BRWD1: variants seen among roughly 807,000 people sequenced by gnomAD.
BRWD1 encodes the protein bromodomain and WD repeat-containing protein 1.
BRWD1 carries 82 observed loss-of-function variants against 251.2 expected under a neutral mutation model. That is an observed-to-expected ratio of 0.33 (90% CI 0.27 to 0.39). The LOEUF (loss-of-function observed/expected upper bound fraction) is 0.39. Ranked by LOEUF, BRWD1 falls within the 10% of genes least tolerant of loss-of-function variation. The probability of loss-of-function intolerance (pLI) is 1.00; values close to 1 mark genes in which losing one functional copy is unlikely to be tolerated. For missense variants in BRWD1, 2,233 were observed against 2,711.6 expected, an observed-to-expected ratio of 0.82 and a Z score of 3.92; for synonymous variants, 918 against 902.8, an observed-to-expected ratio of 1.02 and a Z score of -0.30.
chr21:39,315,450 T>C (rs1189258474), upstream of BRWD1, among the ~76,000 whole-genome samples: 1 of 151,788 alleles, frequency 6.6e-6, no homozygotes, highest in Non-Finnish European at 1.5e-5. Flanking sequence ...CTGGCCAACA[T>C]AGTGAAACCC....
chr21:39,199,689 A>T (rs766930010), intron 39 of BRWD1, 27 bp from the exon 40 acceptor site: 45 of 1,526,984 alleles, frequency 2.9e-5, no homozygotes, highest in Non-Finnish European at 3.7e-5. Context: ...CAATAAGATT[A>T]AAAAGATTTT....
Position 39,189,281 on chromosome 21 carries a change from A to C in BRWD1, c.*6978T>G. 6 of 984,638 alleles carry C rather than the reference A, an allele frequency of 6.1e-6. No individual in the cohort carries two copies. The highest frequency in any genetic ancestry group is 7.2e-6 in the Non-Finnish European group (6 of 829,220). 61.0% of individuals were successfully genotyped at this position (984,638 alleles called of 1,614,324 possible). The stretch of plus-strand genomic sequence containing the variant: ...ACAGATAACTGGTTCATTCCCAACA[A>C]CCTATTCATCCAGACAAATAGATAA... On this transcript the variant is annotated 3_prime_UTR_variant, in exon 41 of 41. Transcript: ENST00000342449.
Position 39,213,544 on chromosome 21 carries a change from G to A in BRWD1, c.3795C>T (p.His1265=). 3 of 1,606,832 alleles carry A rather than the reference G, an allele frequency of 1.9e-6. No homozygotes were observed. The East Asian group carries it at 6.7e-5, about 36-fold the overall frequency. The change falls in exon 33 of 41, where the codon CAC becomes CAT. Residue 1265 remains histidine (H), a synonymous_variant. Coordinates refer to ENST00000342449, the MANE Select transcript of BRWD1 (RefSeq NM_033656.4). The part of the protein sequence containing the change: ...DQLLKFIKNQ[H]CTNISELSNT... ...TAGAAAGTTCTGAGATATTTGTACAGTGTTGATTCCTAAAAAACAAATTTT... is the reference window on the plus strand; with the variant it reads ...TAGAAAGTTCTGAGATATTTGTACAATGTTGATTCCTAAAAAACAAATTTT...
chr21:39,228,442 G>T, intron 27 of BRWD1, 58 bp downstream of exon 27: 2 of 1,188,710 alleles, frequency 1.7e-6, no homozygotes, highest in South Asian at 1.3e-5. Flanking sequence ...CAAAAAGGTA[G>T]ACCAATAAAA....
rs1568851648 is a variant in BRWD1 at position 39,196,327 on chromosome 21, T to C, written c.6742A>G (p.Arg2248Gly). ...KTRNQGRRTVRYHDGDDDRSL... is the reference protein window; with the variant it reads ...KTRNQGRRTVGYHDGDDDRSL... ...CTGTCATCATCCCCATCATGGTATCTCACAGTCCTTCTACCCTGATTTCTC... is the reference window on the plus strand; with the variant it reads ...CTGTCATCATCCCCATCATGGTATCCCACAGTCCTTCTACCCTGATTTCTC... Residue 2248 changes from arginine (R) to glycine (G), a missense_variant, in exon 41 of 41, where the codon AGA becomes GGA. Coordinates refer to ENST00000342449, the MANE Select transcript of BRWD1 (RefSeq NM_033656.4). 1.9e-6 allele frequency: 3 copies of C among 1,613,200 alleles called. No homozygotes were observed. Among genetic ancestry groups the C allele is most frequent in the Non-Finnish European group, 2.5e-6 (3 of 1,179,516 alleles).
Position 39,249,472 on chromosome 21 carries a change from A to C in BRWD1, c.2349+1324T>G, listed in dbSNP as rs548959132. On this transcript the variant is annotated intron_variant, in intron 20 of 40. Transcript: ENST00000342449. Reference sequence around the variant, plus strand: ...GAATGTTTTAAATATATTTTTATCAAAACAGAATAATCATTCAAAATCAGC... The same window carrying C: ...GAATGTTTTAAATATATTTTTATCACAACAGAATAATCATTCAAAATCAGC... Among the ~76,000 whole-genome samples, 438 of 117,126 alleles carry C rather than the reference A, an allele frequency of 3.7e-3. 2 individuals carry two copies. Among genetic ancestry groups the C allele is most frequent in the African/African-American group, 0.013 (414 of 32,366 alleles). The allele number at this position is 117,126 out of a possible 152,430, so 76.8% of individuals were successfully genotyped here. A position where few individuals can be genotyped will look rare whatever the true frequency, so the allele number is the denominator to read the frequency against.
chr21:39,278,721 A>G, intron 10 of BRWD1, 22 bp downstream of exon 10: 1 of 1,553,534 alleles, frequency 6.4e-7, no homozygotes. Flanking sequence ...AAACTAAGAA[A>G]AAAATGTGAA....
At chr21:39,306,029 A>G (rs1212628491) in intron 4 of BRWD1, among the ~76,000 whole-genome samples, 2 of 151,856 alleles carry the variant, frequency 1.3e-5, no homozygotes, top group African/African-American at 4.8e-5. Context: ...CAAGAGACCC[A>G]AACTCAAAAA....
At chr21:39,304,447 A>G (rs1361776578) in intron 4 of BRWD1, among the ~76,000 whole-genome samples, 1 of 151,840 alleles carries the variant, frequency 6.6e-6, no homozygotes, top group Non-Finnish European at 1.5e-5. Context: ...AGTCTCTAGA[A>G]AAAAAAATTT....
intron 10 of BRWD1, 65 bp downstream of exon 10, chr21:39,278,678 C>G (rs1395852493): frequency 8.8e-6 from 11 of 1,251,192 alleles, no homozygotes; most frequent in Non-Finnish European, 1.2e-5. Flanking sequence ...TCTTAGCAAC[C>G]AAGTGGTCAT....
chr21:39,206,383 G>A (rs2032391553), intron 36 of BRWD1, 109 bp from the exon 37 acceptor site: 1 of 799,672 alleles, frequency 1.3e-6, no homozygotes, highest in African/African-American at 1.8e-5. Context: ...CTGCTTATAG[G>A]TAATGGCTGT....
intron 25 of BRWD1, among the ~76,000 whole-genome samples, chr21:39,231,864 T>C (rs1435131203): frequency 6.6e-6 from 1 of 152,236 alleles, no homozygotes; most frequent in Non-Finnish European, 1.5e-5. Flanking sequence ...AACTTGCATT[T>C]CTTCCTCTGA....
Position 39,193,682 on chromosome 21 carries a change from T to C in BRWD1, c.*2577A>G. On this transcript the variant is annotated 3_prime_UTR_variant, in exon 41 of 41. Transcript: ENST00000342449. ...GTACAGCACTTATTTCTGGATCAGT[T>C]CACATTCAAATTATAACCCTTTATC... The C allele has an allele frequency of 1.0e-6, 1 of 985,542 alleles. No homozygotes were observed. Among genetic ancestry groups the C allele is most frequent in the African/African-American group, 1.7e-5 (1 of 57,312 alleles). The allele number at this position is 985,542 out of a possible 1,614,324, so 61.0% of individuals were successfully genotyped here.
intron 27 of BRWD1, among the ~76,000 whole-genome samples, chr21:39,225,715 T>A (rs1313111293): frequency 6.6e-6 from 1 of 152,166 alleles, no homozygotes; most frequent in Non-Finnish European, 1.5e-5. Flanking sequence ...TTACAGTGAA[T>A]TCTTCAAAGG....
chr21:39,282,014 A>G (rs1011395481), intron 8 of BRWD1, among the ~76,000 whole-genome samples: 2 of 151,628 alleles, frequency 1.3e-5, no homozygotes, highest in African/African-American at 4.8e-5. Flanking sequence ...ATATGTCAAC[A>G]TATACGTCTA....
intron 19 of BRWD1, among the ~76,000 whole-genome samples, chr21:39,255,058 C>T (rs1449681631): frequency 6.6e-6 from 1 of 152,058 alleles, no homozygotes; most frequent in Admixed American, 6.6e-5. Flanking sequence ...AATATTACAT[C>T]TAGAATTTCT....
intron 4 of BRWD1, among the ~76,000 whole-genome samples, chr21:39,298,802 T>C (rs564189966): frequency 1.3e-5 from 2 of 152,292 alleles, no homozygotes; most frequent in Admixed American, 6.5e-5. Flanking sequence ...TTTTTTTTTG[T>C]AGAAATTGAC....
At chr21:39,266,849 G>A (rs1238097459) in intron 15 of BRWD1, among the ~76,000 whole-genome samples, 1 of 152,190 alleles carries the variant, frequency 6.6e-6, no homozygotes, top group Non-Finnish European at 1.5e-5. Flanking sequence ...CAGTAAACAA[G>A]GCCAATTTTG....
intron 31 of BRWD1, among the ~76,000 whole-genome samples, chr21:39,215,733 C>T (rs1383513609): frequency 6.6e-6 from 1 of 152,130 alleles, no homozygotes; most frequent in East Asian, 1.9e-4. Context: ...TGGGATTACA[C>T]CTGTAATCCC....
Sources: gnomAD v4.1 joint callset for allele counts (sites outside exome capture counted in the v4.1 genomes callset) on GRCh38, gnomAD v4.1.1 for gene constraint, MANE v1.5 for transcripts, NCBI Gene and HGNC (gene_info 2026-07-23, HGNC 2026-07-21) for gene names.